HTT: variants seen among roughly 807,000 people sequenced by gnomAD.
The protein encoded by HTT is huntington disease protein.
HTT carries 104 observed loss-of-function variants against 362.3 expected under a neutral mutation model. That is an observed-to-expected ratio of 0.29 (90% CI 0.24 to 0.34). The LOEUF is 0.34. Among genes scored for constraint, HTT ranks in the 10% least tolerant of loss-of-function variants. The pLI is 1.00. For missense variants in HTT, 3,301 were observed against 3,928.6 expected, an observed-to-expected ratio of 0.84 and a Z score of 4.27; for synonymous variants, 1,577 against 1,548.7, an observed-to-expected ratio of 1.02 and a Z score of -0.43.
Position 3,239,998 on chromosome 4 carries a change from G to A in HTT, c.9368G>A (p.Gly3123Glu), listed in dbSNP as rs781002043. The A allele has an allele frequency of 1.2e-6, 2 of 1,601,814 alleles. No homozygotes were observed. The highest frequency in any genetic ancestry group is 2.2e-5 in the East Asian group (1 of 44,648). ...QSVLEVVAAP[G>E]SPYHRLLTCL... ...GTGCTTGAGGTGGTTGCAGCCCCAG[G>A]AAGCCCATATCACCGGCTGCTGACT... The change falls in exon 67 of 67, where the codon GGA becomes GAA. Residue 3123 changes from glycine to glutamate, a missense_variant. Gly to Glu is a moderately conservative substitution (Grantham distance 98). Around this residue, in one of 4 missense-constraint regions of HTT, gnomAD observed 753 missense variants for 1,021.3 expected, o/e 0.74. Coordinates refer to ENST00000355072, the MANE Select transcript of HTT (RefSeq NM_001388492.1).
intron 27 of HTT, among the ~76,000 whole-genome samples, chr4:3,155,286 A>C (rs780778887): frequency 6.6e-6 from 1 of 151,614 alleles, no homozygotes; most frequent in Admixed American, 6.6e-5. Context: ...CAGTGGTGCA[A>C]TCTCGGCTCA....
intron 56 of HTT, among the ~76,000 whole-genome samples, chr4:3,224,852 A>C (rs183146504): frequency 6.6e-6 from 1 of 152,312 alleles, no homozygotes; most frequent in Non-Finnish European, 1.5e-5. Context: ...TAAACTGAGC[A>C]CTTGGAGGGC....
intron 50 of HTT, 134 bp downstream of exon 50, chr4:3,214,269 A>G: frequency 1.7e-6 from 1 of 580,060 alleles, no homozygotes; most frequent in South Asian, 5.2e-5. Context: ...AATATGCATC[A>G]GGAAGGGCTG....
At chr4:3,104,000 C>A in intron 4 of HTT, 117 bp downstream of exon 4, 1 of 649,850 alleles carries the variant, frequency 1.5e-6, no homozygotes, top group South Asian at 1.9e-5. Context: ...TATTTTGATA[C>A]AGGTATACAA....
At position 3,074,794 on chromosome 4, in the gene HTT, C is replaced by A; in HGVS notation, c.-32C>A. 1 of 1,508,930 alleles carries A rather than the reference C, an allele frequency of 6.6e-7. No individual in the cohort carries two copies. The allele number at this position is 1,508,930 out of a possible 1,614,324, so 93.5% of individuals were successfully genotyped here. ...GGCGCCGCGAGTCGGCCCGAGGCCT[C>A]CGGGGACTGCCGTGCCGGGCGGGAG... is the stretch of plus-strand genomic sequence containing the variant. On this transcript the variant is annotated 5_prime_UTR_variant, in exon 1 of 67. Transcript: ENST00000355072.
At chr4:3,210,043 AAC>A in intron 47 of HTT, 94 bp downstream of exon 47, 1 of 1,490,826 alleles carries the variant, frequency 6.7e-7, no homozygotes, top group Non-Finnish European at 9.2e-7. Flanking sequence ...ACTTGTTGAC[AAC>A]ACATGTTGGG....
intron 29 of HTT, among the ~76,000 whole-genome samples, chr4:3,166,916 C>G (rs544754263): frequency 3.8e-4 from 58 of 152,388 alleles, no homozygotes; most frequent in African/African-American, 1.3e-3. Context: ...ACACCCCGCC[C>G]TGCTTCGGCT....
rs2298973 is a variant in HTT at position 3,216,476 on chromosome 4, A to G, written c.7054+1265A>G. Among the ~76,000 whole-genome samples, 357 of 152,378 alleles carry G rather than the reference A, an allele frequency of 2.3e-3. 2 individuals carry two copies. Among genetic ancestry groups the G allele is most frequent in the East Asian group, 0.019 (99 of 5,190 alleles). On this transcript the variant is annotated intron_variant, in intron 51 of 66. Transcript: ENST00000355072. ...AATCAATCAGTTAATCCCTCCATGTAAAGCACCTGGAACGGATGACAGTCT... is the reference window on the plus strand; with the variant it reads ...AATCAATCAGTTAATCCCTCCATGTGAAGCACCTGGAACGGATGACAGTCT...
chr4:3,093,553 T>C (rs1713630740), intron 2 of HTT, among the ~76,000 whole-genome samples: 1 of 152,176 alleles, frequency 6.6e-6, no homozygotes, highest in Non-Finnish European at 1.5e-5. Context: ...CCTGTAAATA[T>C]TACTTTATAT....
intron 50 of HTT, among the ~76,000 whole-genome samples, chr4:3,214,463 TTAA>T (rs1488231432): frequency 6.6e-6 from 1 of 152,254 alleles, no homozygotes; most frequent in Non-Finnish European, 1.5e-5. Context: ...GATCATAAGA[TTAA>T]TAACATTACA....
At position 3,107,335 on chromosome 4, in the gene HTT, C is replaced by T. The variant is rs374709608; in HGVS notation, c.659C>T (p.Pro220Leu). The change falls in exon 6 of 67, where the codon CCC (proline) becomes CTC (leucine). Residue 220 changes from proline to leucine, a missense_variant. Pro to Leu is a moderately conservative substitution (Grantham distance 98, BLOSUM62 -3). Transcript: ENST00000355072. ...TGCCTGACTCGAACAAGCAAGAGAC[C>T]CGAAGAATCAGTCCAGGAGACCTTG... ...LPCLTRTSKR[P>L]EESVQETLAA... 2 of 1,614,178 alleles carry T rather than the reference C, an allele frequency of 1.2e-6. No individual in the cohort carries two copies. The highest frequency in any genetic ancestry group is 1.1e-5 in the South Asian group (1 of 91,078).
At chr4:3,239,043 T>C in intron 66 of HTT, 65 bp downstream of exon 66, 27 of 1,491,774 alleles carry the variant, frequency 1.8e-5, no homozygotes, top group Non-Finnish European at 2.3e-5. Flanking sequence ...TCATGTTTCA[T>C]GATAAGGTTT....
chr4:3,176,451 G>T (rs1419033869), intron 33 of HTT, among the ~76,000 whole-genome samples: 1 of 152,190 alleles, frequency 6.6e-6, no homozygotes, highest in Admixed American at 6.5e-5. Context: ...CTCTCCTCAG[G>T]AAATAGTCAT....
At position 3,211,984 on chromosome 4, in the gene HTT, C is replaced by G; in HGVS notation, c.6470C>G (p.Ser2157Cys). The change falls in exon 48 of 67, where the codon TCT becomes TGT. Residue 2157 changes from serine to cysteine, a missense_variant. Around this residue, in one of 4 missense-constraint regions of HTT, gnomAD observed 2,316 missense variants for 2,658.5 expected, o/e 0.87. Transcript: ENST00000355072. ...TTAAGCCTAGGGATGAGTGAAATTT[C>G]TGGTGGCCAGAAGAGTGCCCTTTTT... ...PCLSLGMSEI[S>C]GGQKSALFEA... 6.2e-7 allele frequency: 1 copy of G among 1,614,182 alleles called. No individual in the cohort carries two copies. The highest frequency in any genetic ancestry group is 8.5e-7 in the Non-Finnish European group (1 of 1,180,030).
intron 37 of HTT, among the ~76,000 whole-genome samples, chr4:3,182,903 G>A (rs911680116): frequency 2.0e-5 from 3 of 151,774 alleles, no homozygotes; most frequent in East Asian, 1.9e-4. Context: ...TTTCCTTTCC[G>A]ACAGGGTCTC....
chr4:3,118,399 G>C (rs2110174663), intron 8 of HTT, among the ~76,000 whole-genome samples: 1 of 152,288 alleles, frequency 6.6e-6, no homozygotes, highest in Non-Finnish European at 1.5e-5. Context: ...AGGTGCACAT[G>C]GTGGGGCCTG....
At chr4:3,135,780 T>G in intron 19 of HTT, 124 bp from the exon 20 acceptor site, 1 of 574,964 alleles carries the variant, frequency 1.7e-6, no homozygotes, top group South Asian at 3.3e-5. Flanking sequence ...TTTTTTGTTG[T>G]TTTGAGTAAG....
intron 7 of HTT, 133 bp downstream of exon 7, chr4:3,115,578 A>G (rs1043385858): frequency 1.4e-6 from 1 of 713,014 alleles, no homozygotes; most frequent in Admixed American, 2.8e-5. Flanking sequence ...TGTGAACTGC[A>G]CTGGGGCTGC....
In HTT at chr4:3,203,972, A is replaced by G. The variant is rs765442912; in HGVS notation, c.5577-35A>G. On this transcript the variant is annotated intron_variant, in intron 41 of 66. Transcript: ENST00000355072. The stretch of plus-strand genomic sequence containing the variant: ...TTTGCAAATAAGCTCACTGCCATCC[A>G]GAAACATTGTCAATGCATCTGTTGC... 3 of 1,608,732 alleles carry G rather than the reference A, an allele frequency of 1.9e-6. No homozygotes were observed. In the South Asian group the frequency reaches 3.3e-5, roughly 18 times the overall value.
Sources: allele counts gnomAD v4.1 joint callset (sites outside exome capture counted in the v4.1 genomes callset), GRCh38; gene constraint gnomAD v4.1.1; regional missense constraint gnomAD v4.1.1; transcripts MANE v1.5; gene names NCBI Gene and HGNC (gene_info 2026-07-23, HGNC 2026-07-21).